TNPO3: variants seen among roughly 807,000 people sequenced by gnomAD.
The protein encoded by TNPO3 is transportin-3.
A neutral mutation model predicts 122.8 loss-of-function variants in TNPO3; 65 were observed. That is an observed-to-expected ratio of 0.53 (90% CI 0.43 to 0.65). TNPO3 has a LOEUF of 0.65. TNPO3 is among the 30% of genes least tolerant of loss of function. TNPO3 has a pLI of 0.00. For synonymous variants in TNPO3, 372 were observed against 411.2 expected (o/e 0.90, Z 1.15); for missense variants, 850 against 1,136.7 (o/e 0.75, Z 3.63).
intron 4 of TNPO3, among the ~76,000 whole-genome samples, chr7:129,011,114 G>A (rs757095963): frequency 9.9e-5 from 15 of 152,128 alleles, no homozygotes; most frequent in Admixed American, 2.6e-4. Context: ...GGCTGTTTTA[G>A]ATACAACTTC....
intron 20 of TNPO3, among the ~76,000 whole-genome samples, chr7:128,969,820 C>T (rs118038021): frequency 0.015 from 2,229 of 152,250 alleles, 28 homozygotes; most frequent in South Asian, 0.027. Context: ...TTGAGTAATA[C>T]GTAACTAATA....
At chr7:129,020,039 G>A (rs984322616) in intron 1 of TNPO3, among the ~76,000 whole-genome samples, 6 of 151,900 alleles carry the variant, frequency 3.9e-5, no homozygotes, top group South Asian at 2.1e-4. Flanking sequence ...ATGGTGGCAT[G>A]CACCTGTGAT....
At chr7:128,973,827 A>C (rs1236068295) in intron 18 of TNPO3, among the ~76,000 whole-genome samples, 1 of 144,994 alleles carries the variant, frequency 6.9e-6, no homozygotes, top group East Asian at 2.0e-4. Context: ...AAAGAAAAGG[A>C]AAAAAAAAGG....
At chr7:129,006,501 T>C (rs1039218097) in intron 4 of TNPO3, among the ~76,000 whole-genome samples, 1 of 152,232 alleles carries the variant, frequency 6.6e-6, no homozygotes, top group Non-Finnish European at 1.5e-5. Context: ...CCTTGTAGTC[T>C]GTTTTTGTGA....
chr7:129,032,566 T>C (rs1046830574), intron 1 of TNPO3, among the ~76,000 whole-genome samples: 1 of 152,130 alleles, frequency 6.6e-6, no homozygotes, highest in African/African-American at 2.4e-5. Context: ...TTCTACATAC[T>C]AACAATGAAA....
chr7:128,987,426 G>A (rs1267801463), intron 11 of TNPO3, among the ~76,000 whole-genome samples: 1 of 152,188 alleles, frequency 6.6e-6, no homozygotes, highest in East Asian at 1.9e-4. Context: ...AGCACTTCTA[G>A]ATGAATTAAT....
At position 128,979,983 on chromosome 7, in the gene TNPO3, T is replaced by C. The variant is rs369353868; in HGVS notation, c.1908A>G (p.Lys636=). ...CATTAGCACTTACTTCCTGTATGACTTTCTGACACGGATGAGTCTGTCCAT... is the reference window on the plus strand; with the variant it reads ...CATTAGCACTTACTTCCTGTATGACCTTCTGACACGGATGAGTCTGTCCAT... ...VENGQTHPCQ[K]VIQEIWPVLS... The change falls in exon 15 of 23, where the codon AAA becomes AAG. Residue 636 remains lysine (K), a synonymous_variant. Transcript: ENST00000265388. 6.2e-7 allele frequency: 1 copy of C among 1,614,140 alleles called. No individual in the cohort carries two copies. The highest frequency in any genetic ancestry group is 8.5e-7 in the Non-Finnish European group (1 of 1,179,990).
chr7:129,027,558 CAAAAA>C (rs71162549), intron 1 of TNPO3, among the ~76,000 whole-genome samples: 24 of 8,954 alleles, frequency 2.7e-3, no homozygotes, highest in African/African-American at 5.6e-3. Context: ...AAGACTGTCT[CAAAAA>C]AAAAAAAAAA....
At chr7:129,052,403 C>T (rs1187630002) in intron 1 of TNPO3, among the ~76,000 whole-genome samples, 1 of 152,180 alleles carries the variant, frequency 6.6e-6, no homozygotes, top group African/African-American at 2.4e-5. Flanking sequence ...GTTAACCGTT[C>T]AGCTATAGGT....
chr7:128,957,397 C>G, intron 21 of TNPO3, 82 bp from the exon 22 acceptor site: 3 of 1,403,986 alleles, frequency 2.1e-6, no homozygotes, highest in Non-Finnish European at 3.0e-6. Flanking sequence ...TTGGGGCACA[C>G]TGAGAACCGT....
Position 129,017,002 on chromosome 7 carries a change from C to T in TNPO3, c.376G>A (p.Val126Met), listed in dbSNP as rs1803925193. The T allele has an allele frequency of 6.2e-7, 1 of 1,613,120 alleles. No homozygotes were observed. Among genetic ancestry groups the T allele is most frequent in the Non-Finnish European group, 8.5e-7 (1 of 1,179,958 alleles). The change falls in exon 3 of 23, where the codon GTG (valine) becomes ATG (methionine). Residue 126 changes from valine to methionine, a missense_variant. Coordinates refer to ENST00000265388, the MANE Select transcript of TNPO3 (RefSeq NM_012470.4). ...ALQMPSWKGC[V>M]QTLVEKYSND... Reference sequence around the variant, plus strand: ...ACTTACTTTTCCACCAGTGTTTGCACACATCCCTTCCAGGAAGGCATCTGT... The same window carrying T: ...ACTTACTTTTCCACCAGTGTTTGCATACATCCCTTCCAGGAAGGCATCTGT...
chr7:129,018,023 A>G lies in TNPO3; in HGVS notation c.255T>C (p.Ser85=). 6.2e-7 allele frequency: 1 copy of G among 1,614,190 alleles called. No individual in the cohort carries two copies. Among genetic ancestry groups the G allele is most frequent in the Non-Finnish European group, 8.5e-7 (1 of 1,180,026 alleles). Residue 85 remains serine, a synonymous_variant, in exon 2 of 23, where the codon TCT becomes TCC. Transcript: ENST00000265388. ...TATGGGTTAGCAATGAGTCCCGTAA[A>G]GAGGCATGAGAGTCTGTGGGGAGCT... ...FYELPTDSHA[S]LRDSLLTHIQ... is the part of the protein sequence containing the mutation.
At chr7:129,016,549 T>C (rs1309641980) in intron 3 of TNPO3, among the ~76,000 whole-genome samples, 2 of 152,244 alleles carry the variant, frequency 1.3e-5, no homozygotes, top group Non-Finnish European at 2.9e-5. Flanking sequence ...GAAGGAATAC[T>C]TGTTTCAAAG....
intron 1 of TNPO3, among the ~76,000 whole-genome samples, chr7:129,031,944 C>G (rs939064292): frequency 5.3e-5 from 8 of 152,142 alleles, no homozygotes; most frequent in African/African-American, 1.9e-4. Context: ...GCCTCAGCCT[C>G]CCAAATAAGT....
intron 1 of TNPO3, among the ~76,000 whole-genome samples, chr7:129,052,049 C>G (rs1317442854): frequency 6.6e-6 from 1 of 152,236 alleles, no homozygotes; most frequent in African/African-American, 2.4e-5. Flanking sequence ...AAAGTGTTAG[C>G]TGAACTGTCA....
At chr7:129,026,779 A>T (rs1029937833) in intron 1 of TNPO3, among the ~76,000 whole-genome samples, 13 of 152,242 alleles carry the variant, frequency 8.5e-5, no homozygotes, top group South Asian at 2.1e-4. Context: ...ACAATTTTTT[A>T]AAAAAGTGAT....
intron 1 of TNPO3, chr7:129,028,828 A>G (rs1805573021): frequency 4.2e-6 from 1 of 240,726 alleles, no homozygotes; most frequent in Non-Finnish European, 8.2e-6. Context: ...AGCTGGAAAT[A>G]TTTCTTTCAA....
intron 21 of TNPO3, among the ~76,000 whole-genome samples, chr7:128,960,698 TA>T (rs905289997): frequency 6.6e-6 from 1 of 151,710 alleles, no homozygotes; most frequent in African/African-American, 2.4e-5. Flanking sequence ...GTCCAAGAGT[TA>T]AAAAAAATTT....
chr7:128,955,237 C>T lies in TNPO3; in HGVS notation c.*180G>A. The T allele has an allele frequency of 2.2e-6, 1 of 444,770 alleles. No individual in the cohort carries two copies. The highest frequency in any genetic ancestry group is 1.6e-5 in the South Asian group (1 of 63,260). The allele number at this position is 444,770 out of a possible 1,614,324, so 27.6% of individuals were successfully genotyped here. A position where few individuals can be genotyped will look rare whatever the true frequency, so the allele number is the denominator to read the frequency against. On this transcript the variant is annotated 3_prime_UTR_variant, in exon 23 of 23. Coordinates refer to ENST00000265388, the MANE Select transcript of TNPO3 (RefSeq NM_012470.4). Reference sequence around the variant, plus strand: ...CTCACACCCCCAAACAGGAACTCCTCAGGATGGCCTCAGAAGGCTGGAGTC... The same window carrying T: ...CTCACACCCCCAAACAGGAACTCCTTAGGATGGCCTCAGAAGGCTGGAGTC...
Sources: gnomAD v4.1 joint callset for allele counts (sites outside exome capture counted in the v4.1 genomes callset) on GRCh38, gnomAD v4.1.1 for gene constraint, MANE v1.5 for transcripts, NCBI Gene and HGNC (gene_info 2026-07-23, HGNC 2026-07-21) for gene names.